The following CUX1 variants were observed in gnomAD, a reference collection of about 807,000 sequenced individuals.
The protein encoded by CUX1 is protein CASP.
A neutral mutation model predicts 158.8 loss-of-function variants in CUX1; 31 were observed. The ratio of observed to expected loss-of-function variants is 0.20; its 90% CI spans 0.15 to 0.26. The LOEUF is 0.26. Among genes scored for constraint, CUX1 ranks in the 10% least tolerant of loss-of-function variants. The pLI, the probability that CUX1 is intolerant of heterozygous loss-of-function variation, is 1.00. For missense variants in CUX1, 1,589 were observed against 2,014.6 expected (o/e 0.79, Z 4.04); for synonymous variants, 879 against 862.1 (o/e 1.02, Z -0.34).
At chr7:101,823,075 C>A (rs1236176353) in intron 1 of CUX1, among the ~76,000 whole-genome samples, 1 of 151,784 alleles carries the variant, frequency 6.6e-6, no homozygotes, top group Non-Finnish European at 1.5e-5. Context: ...TATTTTAATC[C>A]AACGGCATTT....
rs1234569065 is a variant in CUX1 at position 101,869,528 on chromosome 7, A to C, written c.31-46587A>C. Among the ~76,000 whole-genome samples, 3 of 151,090 alleles carry C rather than the reference A, an allele frequency of 2.0e-5. No homozygotes were observed. Among genetic ancestry groups the C allele is most frequent in the Non-Finnish European group, 4.4e-5 (3 of 67,780 alleles). ...GGCCCAGGGCTGAGGCTGTGGGGTGAGCACAGCATTTGCGGGGCGCGGGAA... is the reference window on the plus strand; with the variant it reads ...GGCCCAGGGCTGAGGCTGTGGGGTGCGCACAGCATTTGCGGGGCGCGGGAA... On this transcript the variant is annotated intron_variant, in intron 1 of 23. Coordinates refer to ENST00000292535, the MANE Select transcript of CUX1 (RefSeq NM_181552.4). This position sits in a 1 kb window ranked among gnomAD's most constrained non-coding sequence, Gnocchi z 4.5.
In CUX1 at chr7:102,097,408, G is replaced by C. The variant is rs782504553; in HGVS notation, c.313G>C (p.Val105Leu). Residue 105 changes from valine to leucine, a missense_variant, in exon 5 of 24, where the codon GTG becomes CTG. Val to Leu is a conservative substitution (Grantham distance 32). Transcript: ENST00000292535. Reference protein sequence around the residue: ...LDLGQQLQLKVQRLHDIETEN... With the variant: ...LDLGQQLQLKLQRLHDIETEN... ...TCTCGGACAGCAACTCCAGCTCAAA[G>C]TGCAGCGCCTGCACGATATTGAAAC... 6.2e-7 allele frequency: 1 copy of C among 1,613,390 alleles called. No individual in the cohort carries two copies. The highest frequency in any genetic ancestry group is 8.5e-7 in the Non-Finnish European group (1 of 1,179,846).
At chr7:101,926,012 C>T (rs1805548434) in intron 2 of CUX1, among the ~76,000 whole-genome samples, 1 of 152,124 alleles carries the variant, frequency 6.6e-6, no homozygotes, top group African/African-American at 2.4e-5. Context: ...ATGGGGGTGT[C>T]AGAAACCCCC....
chr7:102,030,613 C>T (rs1194887200), intron 3 of CUX1, among the ~76,000 whole-genome samples: 1 of 151,698 alleles, frequency 6.6e-6, no homozygotes, highest in Non-Finnish European at 1.5e-5. Context: ...TATAACGGCC[C>T]TCCTCGCAAC....
intron 2 of CUX1, among the ~76,000 whole-genome samples, chr7:101,998,494 G>A (rs892328431): frequency 1.3e-5 from 2 of 152,212 alleles, no homozygotes; most frequent in Admixed American, 6.5e-5. Context: ...CCCAGCCATC[G>A]CTTCTCAGCA....
At chr7:102,175,816 G>A (rs1212054871) in intron 10 of CUX1, among the ~76,000 whole-genome samples, 2 of 152,170 alleles carry the variant, frequency 1.3e-5, no homozygotes, top group Non-Finnish European at 2.9e-5. Flanking sequence ...GTTTTGTTTT[G>A]TTTTTTAAAT....
chr7:101,971,179 T>A (rs181080220), intron 2 of CUX1, among the ~76,000 whole-genome samples: 34 of 152,306 alleles, frequency 2.2e-4, no homozygotes, highest in African/African-American at 6.7e-4. Context: ...TCATATTGAG[T>A]CTGGGTCGGT....
intron 2 of CUX1, among the ~76,000 whole-genome samples, chr7:102,009,770 C>T (rs957157586): frequency 6.6e-6 from 1 of 152,244 alleles, no homozygotes; most frequent in African/African-American, 2.4e-5. Flanking sequence ...ACTTCTTTAT[C>T]TCTAGTACAT....
intron 2 of CUX1, among the ~76,000 whole-genome samples, chr7:101,985,389 G>C (rs1814163827): frequency 6.6e-6 from 1 of 152,126 alleles, no homozygotes; most frequent in South Asian, 2.1e-4. Context: ...AGCCTGGCAT[G>C]GTGTCAGTAC....
At chr7:102,150,864 G>C (rs548077703) in intron 8 of CUX1, among the ~76,000 whole-genome samples, 1 of 152,128 alleles carries the variant, frequency 6.6e-6, no homozygotes, top group African/African-American at 2.4e-5. Flanking sequence ...GCATAATACC[G>C]GGCAGGTTAA....
intron 8 of CUX1, among the ~76,000 whole-genome samples, chr7:102,147,511 T>C (rs189881399): frequency 1.3e-5 from 2 of 152,342 alleles, no homozygotes; most frequent in East Asian, 1.9e-4. Flanking sequence ...AAGACTATTA[T>C]TGCCTTGTTT....
intron 19 of CUX1, among the ~76,000 whole-genome samples, chr7:102,280,497 C>A (rs1277343687): frequency 6.6e-6 from 1 of 152,158 alleles, no homozygotes; most frequent in African/African-American, 2.4e-5. Flanking sequence ...ATTGTGGGGA[C>A]CCCACCCCAC....
At chr7:102,280,571 T>C (rs1385758807) in intron 19 of CUX1, among the ~76,000 whole-genome samples, 1 of 152,000 alleles carries the variant, frequency 6.6e-6, no homozygotes, top group African/African-American at 2.4e-5. Flanking sequence ...ATGGGCAGAA[T>C]GGACGGCTGC....
intron 12 of CUX1, 43 bp from the exon 13 acceptor site, chr7:102,193,799 C>T (rs782600982): frequency 1.3e-6 from 2 of 1,597,610 alleles, no homozygotes; most frequent in African/African-American, 1.3e-5. Flanking sequence ...GAGACTCTGT[C>T]TCAAAAAATA....
chr7:102,158,853 C>G (rs1554506150), intron 9 of CUX1, among the ~76,000 whole-genome samples: 1 of 152,258 alleles, frequency 6.6e-6, no homozygotes, highest in Non-Finnish European at 1.5e-5. Context: ...TGGTGAACAT[C>G]CCCTCCAAAG....
rs1789806736 is a variant in CUX1 at position 102,255,547 on chromosome 7, A to T, written c.*6505A>T. ...TACCCGATAATGTTAAGAAAGCATTAGTCTACGTTACTGTAATTTCTGTAG... is the reference window on the plus strand; with the variant it reads ...TACCCGATAATGTTAAGAAAGCATTTGTCTACGTTACTGTAATTTCTGTAG... On this transcript the variant is annotated 3_prime_UTR_variant, in exon 24 of 24. Transcript: ENST00000292535. 12 of 985,450 alleles carry T rather than the reference A, an allele frequency of 1.2e-5. No homozygotes were observed. Among genetic ancestry groups the T allele is most frequent in the Middle Eastern group, 5.2e-4 (1 of 1,914 alleles). The allele number at this position is 985,450 out of a possible 1,614,324, so 61.0% of individuals were successfully genotyped here. A position where few individuals can be genotyped will look rare whatever the true frequency, so the allele number is the denominator to read the frequency against.
chr7:102,244,629 G>A (rs1302323380), intron 23 of CUX1, among the ~76,000 whole-genome samples: 1 of 152,128 alleles, frequency 6.6e-6, no homozygotes, highest in East Asian at 1.9e-4. Context: ...GGTTGAGGCT[G>A]CAGTGAGCTG....
At chr7:102,123,592 G>A (rs1832294036) in intron 8 of CUX1, among the ~76,000 whole-genome samples, 1 of 144,114 alleles carries the variant, frequency 6.9e-6, no homozygotes, top group Admixed American at 7.1e-5. Context: ...CTGGGTGGCA[G>A]AGTGAGACTC....
downstream of CUX1, among the ~76,000 whole-genome samples, chr7:102,260,227 G>T (rs1405740023): frequency 6.6e-6 from 1 of 150,798 alleles, no homozygotes; most frequent in Non-Finnish European, 1.5e-5. Flanking sequence ...CTCCCAAGTA[G>T]CTGGGACCAC....
Sources: allele counts gnomAD v4.1 joint callset (sites outside exome capture counted in the v4.1 genomes callset), GRCh38; gene constraint gnomAD v4.1.1; non-coding constraint Gnocchi (gnomAD v3.1); transcripts MANE v1.5; gene names NCBI Gene and HGNC (gene_info 2026-07-23, HGNC 2026-07-21).